Variants in BPIFA2 observed in about 807,000 individuals in gnomAD.
The protein encoded by BPIFA2 is BPI fold-containing family A member 2.
A neutral mutation model predicts 25.7 loss-of-function variants in BPIFA2; 20 were observed. The observed-to-expected ratio is 0.78, with a 90% CI of 0.55 to 1.13. The LOEUF (loss-of-function observed/expected upper bound fraction) is 1.13. Ranked by LOEUF, BPIFA2 falls within the 50% of genes most tolerant of loss-of-function variation. The pLI, the probability that BPIFA2 is intolerant of heterozygous loss-of-function variation, is 0.00. For missense variants in BPIFA2, 300 were observed against 298.1 expected, an observed-to-expected ratio of 1.01 and a Z score of -0.05; for synonymous variants, 126 against 124.3, an observed-to-expected ratio of 1.01 and a Z score of -0.09.
chr20:33,175,561 T>C lies in BPIFA2; in HGVS notation c.563+2T>C. 1 of 1,613,850 alleles carries C rather than the reference T, an allele frequency of 6.2e-7. No individual in the cohort carries two copies. Among genetic ancestry groups the C allele is most frequent in the Non-Finnish European group, 8.5e-7 (1 of 1,179,856 alleles). On this transcript the variant is annotated splice_donor_variant, in intron 5 of 8. Transcript: ENST00000354932. LOFTEE classifies it high-confidence loss of function. ...CATCTCACTTTCCTTGCTGGACAAG[T>C]AAGTCCCATTCATCTTAGTAGAGCT...
upstream of BPIFA2, among the ~76,000 whole-genome samples, chr20:33,166,391 C>T (rs116473809): frequency 6.6e-6 from 1 of 152,172 alleles, no homozygotes; most frequent in Non-Finnish European, 1.5e-5. Context: ...GTCAAACCAT[C>T]GTAAGCCGGG....
At chr20:33,178,324 C>T (rs1984155628) in intron 6 of BPIFA2, 96 bp downstream of exon 6, 2 of 942,862 alleles carry the variant, frequency 2.1e-6, no homozygotes, top group Non-Finnish European at 1.6e-6. Flanking sequence ...ACTTTTCCTT[C>T]GGAGGTGAAA....
In BPIFA2 at chr20:33,173,011, G is replaced by A. The variant is rs1310744837; in HGVS notation, c.237G>A (p.Gln79=). ...GGCAACTGGCCAAGCAGAAGGCCCA[G>A]GAAGCTGAGAAATTGCTGAACAATG... The part of the protein sequence containing the change: ...SAWQLAKQKA[Q]EAEKLLNNVI... The change falls in exon 3 of 9, where the codon CAG becomes CAA. Residue 79 remains glutamine, a synonymous_variant. Transcript: ENST00000354932. 3 of 1,613,998 alleles carry A rather than the reference G, an allele frequency of 1.9e-6. No individual in the cohort carries two copies. Among genetic ancestry groups the A allele is most frequent in the East Asian group, 4.5e-5 (2 of 44,864 alleles).
chr20:33,169,325 C>G (rs991072460), intron 2 of BPIFA2, 23 bp downstream of exon 2: 13 of 1,610,302 alleles, frequency 8.1e-6, no homozygotes, highest in South Asian at 1.1e-5. Context: ...GGGTGATGAA[C>G]AGTGTCACCT....
intron 6 of BPIFA2, 110 bp downstream of exon 6, chr20:33,178,338 T>G: frequency 2.5e-6 from 2 of 805,452 alleles, no homozygotes; most frequent in Non-Finnish European, 3.8e-6. Flanking sequence ...GGTGAAAGCT[T>G]CTCCTTAGGA....
rs373945508 is a variant in BPIFA2, at chr20:33,172,932, G to A, written c.158G>A (p.Gly53Asp). The A allele has an allele frequency of 4.7e-5, 76 of 1,611,298 alleles. No homozygotes were observed. In the African/African-American group the frequency reaches 9.5e-4, roughly 20 times the overall value. Residue 53 changes from glycine to aspartate, a missense_variant and splice_region_variant, in exon 3 of 9, where the codon GGC becomes GAC. Coordinates refer to ENST00000354932, the MANE Select transcript of BPIFA2 (RefSeq NM_080574.4). ...ACAAAATGGCGATTGTTTTTGGCAG[G>A]CATCCTTGAGAAACTGAAGGTCGAC... The part of the protein sequence containing the change: ...GLETVDNTLK[G>D]ILEKLKVDLG...
chr20:33,162,327 G>A lies in BPIFA2; in HGVS notation c.-16+429G>A, dbSNP rs567232839. On this transcript the variant is annotated intron_variant, in intron 1 of 8. Coordinates refer to the BPIFA2 transcript ENST00000253362. ...CCTTTTGATTGAGTGGCCACCACACGATGCTCCAGGATTCTGCATTCCCCC... is the reference window on the plus strand; with the variant it reads ...CCTTTTGATTGAGTGGCCACCACACAATGCTCCAGGATTCTGCATTCCCCC... Among the ~76,000 whole-genome samples, 5 of 152,188 alleles carry A rather than the reference G, an allele frequency of 3.3e-5. No homozygotes were observed. In the East Asian group the frequency reaches 5.8e-4, roughly 18 times the overall value.
At chr20:33,175,959 T>C (rs1383551836) in intron 5 of BPIFA2, among the ~76,000 whole-genome samples, 1 of 152,204 alleles carries the variant, frequency 6.6e-6, no homozygotes, top group Non-Finnish European at 1.5e-5. Flanking sequence ...CAGTTTCTGC[T>C]TCATACCCTT....
chr20:33,180,461 G>C (rs1035638621), intron 7 of BPIFA2, 59 bp from the exon 8 acceptor site: 1 of 1,550,820 alleles, frequency 6.4e-7, no homozygotes, highest in East Asian at 2.2e-5. Flanking sequence ...TTTGGAGTCT[G>C]GTCTCTATTC....
Sources: allele counts gnomAD v4.1 joint callset (sites outside exome capture counted in the v4.1 genomes callset), GRCh38; gene constraint gnomAD v4.1.1; transcripts MANE v1.5; gene names NCBI Gene and HGNC (gene_info 2026-07-23, HGNC 2026-07-21).